PIK3C3: variants seen among roughly 807,000 people sequenced by gnomAD.
The protein encoded by PIK3C3 is phosphatidylinositol 3-kinase catalytic subunit type 3.
A neutral mutation model predicts 126.1 loss-of-function variants in PIK3C3; 95 were observed. That is an observed-to-expected ratio of 0.75 (90% CI 0.64 to 0.89). PIK3C3 has a LOEUF of 0.89. PIK3C3 is among the 40% of genes least tolerant of loss of function. The probability of loss-of-function intolerance (pLI) is 0.00; values close to 1 mark genes in which losing one functional copy is unlikely to be tolerated. For synonymous variants in PIK3C3, 374 were observed against 360.0 expected, an observed-to-expected ratio of 1.04 and a Z score of -0.44; for missense variants, 829 against 1,063.2, an observed-to-expected ratio of 0.78 and a Z score of 3.06.
chr18:42,031,676 C>G (rs1567992050), intron 15 of PIK3C3, among the ~76,000 whole-genome samples: 2 of 152,144 alleles, frequency 1.3e-5, no homozygotes. Context: ...CTCGGCCTTC[C>G]AAAGTGCTGG....
rs142331118 is a variant in PIK3C3, at chr18:42,049,898, G to A, written c.2263+293G>A. The A allele has an allele frequency of 3.8e-3, 766 of 200,470 alleles. 4 individuals are homozygous for A. Among genetic ancestry groups the A allele is most frequent in the Non-Finnish European group, 5.8e-3 (573 of 98,284 alleles). 12.4% of individuals were successfully genotyped at this position (200,470 alleles called of 1,614,324 possible). On this transcript the variant is annotated intron_variant, in intron 21 of 24. Coordinates refer to ENST00000262039, the MANE Select transcript of PIK3C3 (RefSeq NM_002647.4). ...TGAGGCAGGAGAATCGCTTGAACCCGGGAGGCGGAGGTTGCAGTGAGCCGA... is the reference window on the plus strand; with the variant it reads ...TGAGGCAGGAGAATCGCTTGAACCCAGGAGGCGGAGGTTGCAGTGAGCCGA...
rs114139346 is a variant in PIK3C3 at position 42,065,641 on chromosome 18, A to G, written c.2523+811A>G. Among the ~76,000 whole-genome samples, 1,368 of 152,366 alleles carry G rather than the reference A, an allele frequency of 9.0e-3. 18 individuals are homozygous for G. The highest frequency in any genetic ancestry group is 0.032 in the African/African-American group (1,314 of 41,588). ...AAACTAGATCTTCTCATATGTCTCC[A>G]TTCCTATAGAATTTCCCTGTATCCC... is the stretch of plus-strand genomic sequence containing the variant. On this transcript the variant is annotated intron_variant, in intron 23 of 24. Transcript: ENST00000262039.
chr18:42,027,592 C>T (rs750191293), intron 14 of PIK3C3, 44 bp downstream of exon 14: 61 of 1,073,660 alleles, frequency 5.7e-5, no homozygotes, highest in Non-Finnish European at 7.8e-5. Context: ...GCACATGGGC[C>T]AAATTCAGCC....
At chr18:42,025,042 G>A (rs1983499666) in intron 13 of PIK3C3, among the ~76,000 whole-genome samples, 1 of 151,604 alleles carries the variant, frequency 6.6e-6, no homozygotes, top group East Asian at 2.0e-4. Context: ...TCGATCTCCT[G>A]ACCTCATGAT....
chr18:41,965,673 A>G (rs1052772383), intron 3 of PIK3C3, among the ~76,000 whole-genome samples: 43 of 152,166 alleles, frequency 2.8e-4, no homozygotes, highest in African/African-American at 9.4e-4. Flanking sequence ...CCTTTGTGAT[A>G]GTTTATTAAT....
At chr18:42,060,902 A>G (rs1292359487) in intron 22 of PIK3C3, among the ~76,000 whole-genome samples, 2 of 152,188 alleles carry the variant, frequency 1.3e-5, no homozygotes, top group Non-Finnish European at 2.9e-5. Context: ...CATTAACTAC[A>G]TTGCTTCCCC....
intron 17 of PIK3C3, among the ~76,000 whole-genome samples, chr18:42,038,400 G>A (rs2144464992): frequency 6.6e-6 from 1 of 151,734 alleles, no homozygotes; most frequent in African/African-American, 2.4e-5. Flanking sequence ...AAAATGAAGT[G>A]GCGCGATCTT....
chr18:42,059,941 G>A, intron 22 of PIK3C3: 1 of 151,924 alleles, frequency 6.6e-6, no homozygotes, highest in Non-Finnish European at 1.5e-5. Context: ...CTAATTTTTT[G>A]TGTTTTTTTG....
rs769002037 is a variant in PIK3C3, at chr18:42,004,429, G to C, written c.1058G>C (p.Gly353Ala). 3.1e-6 allele frequency: 5 copies of C among 1,613,804 alleles called. No individual in the cohort carries two copies. The highest frequency in any genetic ancestry group is 1.7e-5 in the Admixed American group (1 of 59,994). The change falls in exon 10 of 25, where the codon GGA (glycine) becomes GCA (alanine). Residue 353 changes from glycine to alanine, a missense_variant. Coordinates refer to ENST00000262039, the MANE Select transcript of PIK3C3 (RefSeq NM_002647.4). ...GCCAAACAGGCCTTGGAACTTCTGG[G>C]AAAATGGAAGCCGATGGATGTAGAG... ...QEAKQALELL[G>A]KWKPMDVEDS... is the part of the protein sequence containing the mutation.
At chr18:42,057,097 G>T (rs917787046) in intron 21 of PIK3C3, among the ~76,000 whole-genome samples, 1 of 135,376 alleles carries the variant, frequency 7.4e-6, no homozygotes, top group African/African-American at 2.9e-5. Context: ...TCTTAAATAT[G>T]TACAACGTGA....
At chr18:42,019,469 C>T (rs2144415840) in intron 12 of PIK3C3, among the ~76,000 whole-genome samples, 1 of 152,258 alleles carries the variant, frequency 6.6e-6, no homozygotes, top group South Asian at 2.1e-4. Flanking sequence ...TCAGCTTCTT[C>T]AGAGTATTCA....
chr18:42,050,991 A>T (rs1266479466), intron 21 of PIK3C3: 1 of 152,186 alleles, frequency 6.6e-6, no homozygotes, highest in Non-Finnish European at 1.5e-5. Flanking sequence ...TCTTCCTCCA[A>T]TGCTCTCTAC....
intron 15 of PIK3C3, among the ~76,000 whole-genome samples, chr18:42,030,660 T>C (rs940945564): frequency 6.6e-6 from 1 of 152,166 alleles, no homozygotes; most frequent in Non-Finnish European, 1.5e-5. Context: ...GACATTTTCT[T>C]TGTTGTTGAG....
At chr18:42,046,743 A>G (rs894005738) in intron 20 of PIK3C3, among the ~76,000 whole-genome samples, 8 of 152,056 alleles carry the variant, frequency 5.3e-5, no homozygotes, top group Admixed American at 6.5e-5. Context: ...TCTTACCTCA[A>G]ATGTTTTGTT....
At chr18:42,048,946 A>T (rs1984674510) in intron 20 of PIK3C3, among the ~76,000 whole-genome samples, 1 of 152,206 alleles carries the variant, frequency 6.6e-6, no homozygotes, top group Non-Finnish European at 1.5e-5. Flanking sequence ...CTAAATTTCC[A>T]GACTTTTTTT....
At chr18:42,060,073 G>A (rs994973613) in intron 22 of PIK3C3, among the ~76,000 whole-genome samples, 2 of 151,958 alleles carry the variant, frequency 1.3e-5, no homozygotes, top group Non-Finnish European at 2.9e-5. Context: ...ATCGCACCTG[G>A]CCAACATTTA....
At chr18:41,981,983 C>CAA (rs374935925) in intron 4 of PIK3C3, among the ~76,000 whole-genome samples, 1 of 139,236 alleles carries the variant, frequency 7.2e-6, no homozygotes. Flanking sequence ...GACCCTGTCT[C>CAA]AAAAAAAAAA....
intron 24 of PIK3C3, among the ~76,000 whole-genome samples, chr18:42,077,216 C>T (rs1598963545): frequency 6.6e-6 from 1 of 152,180 alleles, no homozygotes; most frequent in East Asian, 1.9e-4. Context: ...AATCTTTTTG[C>T]TGGTGGAGGG....
chr18:41,982,212 G>A (rs1027654882), intron 4 of PIK3C3, among the ~76,000 whole-genome samples: 1 of 152,168 alleles, frequency 6.6e-6, no homozygotes, highest in African/African-American at 2.4e-5. Flanking sequence ...AGGGAGTTTA[G>A]AGGAATGAGA....
Sources: allele counts gnomAD v4.1 joint callset (sites outside exome capture counted in the v4.1 genomes callset), GRCh38; gene constraint gnomAD v4.1.1; transcripts MANE v1.5; gene names NCBI Gene and HGNC (gene_info 2026-07-23, HGNC 2026-07-21).